WWC1: variants seen among roughly 807,000 people sequenced by gnomAD.
The protein encoded by WWC1 is protein KIBRA.
A neutral mutation model predicts 138.4 loss-of-function variants in WWC1; 55 were observed. The observed-to-expected ratio is 0.40, with a 90% CI of 0.32 to 0.50. The LOEUF (loss-of-function observed/expected upper bound fraction) is 0.50, where lower values mean the gene tolerates loss of function less well. Among genes scored for constraint, WWC1 ranks in the 20% least tolerant of loss-of-function variants. The pLI is 0.72. For missense variants in WWC1, 1,226 were observed against 1,420.4 expected, an observed-to-expected ratio of 0.86 and a Z score of 2.20; for synonymous variants, 524 against 564.9, an observed-to-expected ratio of 0.93 and a Z score of 1.03.
Position 168,423,829 on chromosome 5 carries a change from T to A in WWC1, c.1571T>A (p.Leu524Gln). 6.2e-7 allele frequency: 1 copy of A among 1,614,172 alleles called. No homozygotes were observed. Among genetic ancestry groups the A allele is most frequent in the Non-Finnish European group, 8.5e-7 (1 of 1,180,016 alleles). ...GGGRLQALRS[L>Q]SGTPKSMTSL... ...GGCCGCCTGCAGGCTCTGCGTTCCC[T>A]GTCTGGCACCCCAAAGTCCATGACC... The change falls in exon 11 of 23, where the codon CTG becomes CAG. Residue 524 changes from leucine to glutamine, a missense_variant. Leu to Gln is a moderately radical substitution (Grantham distance 113). Transcript: ENST00000265293.
chr5:168,439,592 A>C (rs959903865), intron 15 of WWC1, among the ~76,000 whole-genome samples: 1 of 150,212 alleles, frequency 6.7e-6, no homozygotes, highest in Non-Finnish European at 1.5e-5. Flanking sequence ...ATGCCATTGC[A>C]CTCCAGCAGC....
At chr5:168,404,143 G>A (rs952609761) in intron 5 of WWC1, among the ~76,000 whole-genome samples, 1 of 152,044 alleles carries the variant, frequency 6.6e-6, no homozygotes. Context: ...CAAGGGATTC[G>A]AAGCCCTTCT....
At chr5:168,363,749 G>C (rs1776071897) in intron 1 of WWC1, among the ~76,000 whole-genome samples, 1 of 152,066 alleles carries the variant, frequency 6.6e-6, no homozygotes, top group South Asian at 2.1e-4. Context: ...TTTTAACGCA[G>C]CGGTGACTTT....
chr5:168,377,463 C>G (rs946292475), intron 2 of WWC1, among the ~76,000 whole-genome samples: 1 of 152,060 alleles, frequency 6.6e-6, no homozygotes, highest in African/African-American at 2.4e-5. Context: ...TTCTGCACAG[C>G]AAAAGAAGCT....
At chr5:168,387,833 A>G (rs1215774757) in intron 3 of WWC1, among the ~76,000 whole-genome samples, 1 of 152,168 alleles carries the variant, frequency 6.6e-6, no homozygotes, top group Non-Finnish European at 1.5e-5. Context: ...AGTCCGTACC[A>G]TTTTTGTTAA....
intron 16 of WWC1, among the ~76,000 whole-genome samples, chr5:168,443,394 T>C (rs1294684445): frequency 6.6e-6 from 1 of 152,212 alleles, no homozygotes; most frequent in East Asian, 1.9e-4. Context: ...CTGTTTATTA[T>C]GTGCAGTTTA....
intron 1 of WWC1, among the ~76,000 whole-genome samples, chr5:168,330,072 T>G (rs1205745654): frequency 2.0e-5 from 3 of 152,114 alleles, no homozygotes; most frequent in Non-Finnish European, 4.4e-5. Context: ...ATCGCACCAC[T>G]GCACCCCAGC....
intron 1 of WWC1, among the ~76,000 whole-genome samples, chr5:168,355,269 G>A (rs558537823): frequency 1.3e-5 from 2 of 148,190 alleles, no homozygotes; most frequent in South Asian, 2.1e-4. Flanking sequence ...TGAGGTGGGC[G>A]GATCACCTGA....
intron 15 of WWC1, among the ~76,000 whole-genome samples, chr5:168,441,030 T>G (rs1358291574): frequency 6.6e-6 from 1 of 152,048 alleles, no homozygotes; most frequent in Non-Finnish European, 1.5e-5. Flanking sequence ...TATGACCGCA[T>G]CACCGCACTC....
chr5:168,428,033 C>A lies in WWC1; in HGVS notation c.1811C>A (p.Ala604Asp). The change falls in exon 12 of 23, where the codon GCT (alanine) becomes GAT (aspartate). Residue 604 changes from alanine (A) to aspartate (D), a missense_variant and splice_region_variant. Transcript: ENST00000265293. The stretch of plus-strand genomic sequence containing the variant: ...CTGCCTTTCCATTTTCCTTCCCTAG[C>A]TGTGAATACGGCCCAGGGGTGTGGC... ...PGTEGKQLGQ[A>D]VNTAQGCGLK... The A allele has an allele frequency of 6.2e-7, 1 of 1,613,096 alleles. No homozygotes were observed. Among genetic ancestry groups the A allele is most frequent in the South Asian group, 1.1e-5 (1 of 91,026 alleles).
At chr5:168,338,960 A>T (rs1386719320) in intron 1 of WWC1, among the ~76,000 whole-genome samples, 1 of 152,196 alleles carries the variant, frequency 6.6e-6, no homozygotes, top group Non-Finnish European at 1.5e-5. Flanking sequence ...AATAGCTAGG[A>T]GGAGGATATT....
chr5:168,304,706 T>C (rs1770393458), intron 1 of WWC1, among the ~76,000 whole-genome samples: 1 of 152,180 alleles, frequency 6.6e-6, no homozygotes, highest in Admixed American at 6.5e-5. Context: ...ACTGGCTAAG[T>C]GCACCCAGAA....
Position 168,431,410 on chromosome 5 carries a change from G to C in WWC1, c.2246G>C (p.Cys749Ser). 6.2e-7 allele frequency: 1 copy of C among 1,613,326 alleles called. No individual in the cohort carries two copies. Among genetic ancestry groups the C allele is most frequent in the Non-Finnish European group, 8.5e-7 (1 of 1,179,890 alleles). ...CAGAAGACCTTAAGAGTCGATGTCT[G>C]TACCACCGACAGGAGCCATCTGGAA... ...LHQKTLRVDV[C>S]TTDRSHLEEC... The change falls in exon 15 of 23, where the codon TGT (cysteine) becomes TCT (serine). Residue 749 changes from cysteine (C) to serine (S), a missense_variant. This residue lies in a region of WWC1 where 1,016 missense variants were observed against 1,153.9 expected (regional missense o/e 0.88). Transcript: ENST00000265293.
At chr5:168,349,837 C>G (rs1035803831) in intron 1 of WWC1, among the ~76,000 whole-genome samples, 2 of 152,146 alleles carry the variant, frequency 1.3e-5, no homozygotes, top group African/African-American at 4.8e-5. Flanking sequence ...CTCCACCAAC[C>G]CCAGTTCTGT....
chr5:168,420,446 C>T (rs997798029), intron 9 of WWC1, among the ~76,000 whole-genome samples: 1 of 152,142 alleles, frequency 6.6e-6, no homozygotes, highest in African/African-American at 2.4e-5. Context: ...AAAGCCCTAT[C>T]TCCAAATATA....
intron 1 of WWC1, among the ~76,000 whole-genome samples, chr5:168,318,445 A>G (rs907432635): frequency 6.6e-6 from 1 of 152,170 alleles, no homozygotes; most frequent in African/African-American, 2.4e-5. Context: ...AACGCTCTTC[A>G]TCTTGCAAAA....
At chr5:168,380,085 C>T (rs530938484) in intron 2 of WWC1, among the ~76,000 whole-genome samples, 4 of 152,146 alleles carry the variant, frequency 2.6e-5, no homozygotes, top group African/African-American at 9.7e-5. Context: ...GATAAGGAGA[C>T]AATATTGCAA....
chr5:168,298,444 G>C (rs536385964), intron 1 of WWC1, among the ~76,000 whole-genome samples: 1 of 152,260 alleles, frequency 6.6e-6, no homozygotes, highest in South Asian at 2.1e-4. Context: ...AATACCTGTA[G>C]ATGTATAATA....
rs1336507595 is a variant in WWC1, at chr5:168,423,667, T to G, written c.1409T>G (p.Phe470Cys). 1.9e-6 allele frequency: 3 copies of G among 1,614,050 alleles called. No homozygotes were observed. The highest frequency in any genetic ancestry group is 2.5e-6 in the Non-Finnish European group (3 of 1,180,030). ...ASFTDLYYDP[F>C]EQLDSELQSK... ...TTCACTGACCTCTACTATGACCCCT[T>G]TGAGCAGCTGGACTCAGAGCTGCAG... The change falls in exon 11 of 23, where the codon TTT (phenylalanine) becomes TGT (cysteine). Residue 470 changes from phenylalanine (F) to cysteine (C), a missense_variant. Coordinates refer to ENST00000265293, the MANE Select transcript of WWC1 (RefSeq NM_015238.3).
Sources: gnomAD v4.1 joint callset for allele counts (sites outside exome capture counted in the v4.1 genomes callset) on GRCh38, gnomAD v4.1.1 for gene constraint, gnomAD v4.1.1 regional missense constraint, MANE v1.5 for transcripts, NCBI Gene and HGNC (gene_info 2026-07-23, HGNC 2026-07-21) for gene names.